KLF7: variants seen among roughly 807,000 people sequenced by gnomAD.
KLF7 encodes the protein Krueppel-like factor 7.
A neutral mutation model predicts 27.3 loss-of-function variants in KLF7; 2 were observed. The observed-to-expected ratio is 0.07, with a 90% CI of 0.03 to 0.23. The LOEUF is 0.23. Ranked by LOEUF, KLF7 falls within the 10% of genes least tolerant of loss-of-function variation. The pLI, the probability that KLF7 is intolerant of heterozygous loss-of-function variation, is 1.00. For missense variants in KLF7, 221 were observed against 394.1 expected (o/e 0.56, Z 3.72); for synonymous variants, 165 against 162.4 (o/e 1.02, Z -0.12).
chr2:207,085,005 C>A (rs2269080), intron 3 of KLF7, among the ~76,000 whole-genome samples: 124,612 of 151,450 alleles, frequency 0.82, 52,002 homozygotes, highest in African/African-American at 0.91. Context: ...TTTACTAAAA[C>A]TACAAAATTA....
intron 2 of KLF7, among the ~76,000 whole-genome samples, chr2:207,119,866 C>T (rs2077290478): frequency 1.3e-5 from 2 of 152,106 alleles, no homozygotes; most frequent in Admixed American, 1.3e-4. Context: ...ACACGCCCAG[C>T]TAATTTTTGT....
chr2:207,138,828 T>C (rs906770589), intron 1 of KLF7, among the ~76,000 whole-genome samples: 6 of 152,228 alleles, frequency 3.9e-5, no homozygotes, highest in African/African-American at 1.4e-4. Context: ...TCCTGGAATG[T>C]AGGCCCCAGC....
At chr2:207,144,905 C>T (rs575362810) in intron 1 of KLF7, among the ~76,000 whole-genome samples, 4 of 152,298 alleles carry the variant, frequency 2.6e-5, no homozygotes, top group African/African-American at 9.6e-5. Flanking sequence ...TCAATTCAAT[C>T]CATTTGCTGT....
chr2:207,085,164 G>GAA (rs1015691241), intron 3 of KLF7, among the ~76,000 whole-genome samples: 1,425 of 23,050 alleles, frequency 0.062, 316 homozygotes, highest in Middle Eastern at 0.15. Context: ...TGTCTCAAAT[G>GAA]AAAAAAAAAA....
chr2:207,161,027 A>G (rs1242457721), intron 1 of KLF7, among the ~76,000 whole-genome samples: 1 of 152,222 alleles, frequency 6.6e-6, no homozygotes, highest in East Asian at 1.9e-4. Flanking sequence ...CAGATGTAGT[A>G]AAAAATAACT....
chr2:207,117,707 T>C (rs1574488879), intron 2 of KLF7, among the ~76,000 whole-genome samples: 1 of 152,342 alleles, frequency 6.6e-6, no homozygotes, highest in African/African-American at 2.4e-5. Flanking sequence ...CCTGCTGATA[T>C]GCCTGACCTT....
intron 1 of KLF7, among the ~76,000 whole-genome samples, chr2:207,164,053 G>A (rs2078627394): frequency 6.6e-6 from 1 of 152,224 alleles, no homozygotes; most frequent in Admixed American, 6.5e-5. Context: ...GACACCAGAC[G>A]CCAATACCTG....
intron 2 of KLF7, among the ~76,000 whole-genome samples, chr2:207,116,489 A>G (rs1304537542): frequency 2.0e-5 from 3 of 152,230 alleles, no homozygotes; most frequent in African/African-American, 7.2e-5. Context: ...TTCAGGAAAC[A>G]TAGAAAATCC....
intron 2 of KLF7, among the ~76,000 whole-genome samples, chr2:207,112,020 A>C (rs1297857945): frequency 6.6e-6 from 1 of 151,946 alleles, no homozygotes; most frequent in African/African-American, 2.4e-5. Flanking sequence ...CAAAGTTGTT[A>C]TTCTGACAGT....
chr2:207,163,100 C>T, intron 1 of KLF7, among the ~76,000 whole-genome samples: 1 of 152,158 alleles, frequency 6.6e-6, no homozygotes, highest in Non-Finnish European at 1.5e-5. Flanking sequence ...GAAGGAAGGG[C>T]TAGAGGTTAA....
At chr2:207,140,436 G>A (rs1172635588) in intron 1 of KLF7, among the ~76,000 whole-genome samples, 1 of 152,052 alleles carries the variant, frequency 6.6e-6, no homozygotes, top group Non-Finnish European at 1.5e-5. Flanking sequence ...TCCAACACCA[G>A]TATCATATAT....
chr2:207,131,183 T>G (rs768688379), intron 1 of KLF7, among the ~76,000 whole-genome samples: 6 of 152,186 alleles, frequency 3.9e-5, no homozygotes, highest in Non-Finnish European at 2.9e-5. Flanking sequence ...ATGATGGTGG[T>G]GAGAAGGATG....
At position 207,144,564 on chromosome 2, in the gene KLF7, T is replaced by C. The variant is rs193078077; in HGVS notation, c.103-20160A>G. ...CATAGGTCATATGACCCAAGCCAAC[T>C]GCCTCTATCACCAACTCCCATGATA... On this transcript the variant is annotated intron_variant, in intron 1 of 3. Coordinates refer to ENST00000309446, the MANE Select transcript of KLF7 (RefSeq NM_003709.4). 2.8e-3 allele frequency among the ~76,000 whole-genome samples: 433 copies of C among 152,250 alleles called. 2 individuals are homozygous for C. The highest frequency in any genetic ancestry group is 9.9e-3 in the African/African-American group (411 of 41,550).
chr2:207,120,748 C>T (rs1365377040), intron 2 of KLF7: 1 of 152,220 alleles, frequency 6.6e-6, no homozygotes, highest in Non-Finnish European at 1.5e-5. Context: ...AACCTGAATT[C>T]CCATCTCCAT....
At chr2:207,167,121 T>C, upstream of KLF7, 2 of 1,433,034 alleles carry the variant, frequency 1.4e-6, no homozygotes, top group East Asian at 3.0e-5. Context: ...CGAGGGGGCC[T>C]TTACGTGATG....
At chr2:207,123,082 G>A (rs2077382880) in intron 2 of KLF7, among the ~76,000 whole-genome samples, 1 of 144,074 alleles carries the variant, frequency 6.9e-6, no homozygotes, top group Admixed American at 7.3e-5. Context: ...GTCTCTTCCT[G>A]GGCTACTAGG....
intron 2 of KLF7, among the ~76,000 whole-genome samples, chr2:207,102,985 G>C (rs1326083310): frequency 1.3e-5 from 2 of 152,182 alleles, no homozygotes; most frequent in African/African-American, 4.8e-5. Context: ...TTGGAGTGCA[G>C]TGGCGTGATC....
Position 207,078,803 on chromosome 2 carries a change from A to T in KLF7, c.*2410T>A, listed in dbSNP as rs1024720836. On this transcript the variant is annotated 3_prime_UTR_variant, in exon 4 of 4. Transcript: ENST00000309446. ...CAGGAAGGATGCACCACACATTCAA[A>T]TATAATCCCATGGTACGCCCTGATG... The T allele has an allele frequency of 6.6e-6, 1 of 152,204 alleles. No individual in the cohort carries two copies. Among genetic ancestry groups the T allele is most frequent in the African/African-American group, 2.4e-5 (1 of 41,454 alleles). The allele number at this position is 152,204 out of a possible 1,614,324, so 9.4% of individuals were successfully genotyped here. A position where few individuals can be genotyped will look rare whatever the true frequency, so the allele number is the denominator to read the frequency against.
chr2:207,086,199 C>T (rs972335424), intron 3 of KLF7, among the ~76,000 whole-genome samples: 6 of 152,104 alleles, frequency 3.9e-5, no homozygotes, highest in African/African-American at 1.4e-4. Flanking sequence ...GATGCCATGT[C>T]CTGCCAAGGG....
Sources: gnomAD v4.1 joint callset for allele counts (sites outside exome capture counted in the v4.1 genomes callset) on GRCh38, gnomAD v4.1.1 for gene constraint, MANE v1.5 for transcripts, NCBI Gene and HGNC (gene_info 2026-07-23, HGNC 2026-07-21) for gene names.